The following SLC24A2 variants were observed in gnomAD, a reference collection of about 807,000 sequenced individuals.
The protein encoded by SLC24A2 is solute carrier family 24 member 2.
In SLC24A2, 36 loss-of-function variants were observed where a neutral mutation model predicts 62.0. The ratio of observed to expected loss-of-function variants is 0.58; its 90% CI spans 0.44 to 0.77. The LOEUF is 0.77. SLC24A2 is among the 30% of genes least tolerant of loss of function. SLC24A2 has a pLI of 0.00. For synonymous variants in SLC24A2, 358 were observed against 294.0 expected (o/e 1.22, Z -2.23); for missense variants, 846 against 817.9 (o/e 1.03, Z -0.42).
intron 5 of SLC24A2, among the ~76,000 whole-genome samples, chr9:19,588,062 C>T (rs1836428159): frequency 6.6e-6 from 1 of 152,156 alleles, no homozygotes; most frequent in African/African-American, 2.4e-5. Flanking sequence ...TGGTTATGCA[C>T]ACAGACTAGC....
chr9:19,946,829 T>C, the SLC24A2 span, among the ~76,000 whole-genome samples: 1 of 152,232 alleles, frequency 6.6e-6, no homozygotes, highest in Non-Finnish European at 1.5e-5. Context: ...TTCTGCCCAG[T>C]TAATCACATC....
At chr9:20,034,890 A>C in the SLC24A2 span, among the ~76,000 whole-genome samples, 1 of 152,216 alleles carries the variant, frequency 6.6e-6, no homozygotes, top group Non-Finnish European at 1.5e-5. Context: ...TATATTACAA[A>C]ATTACATTGG....
At chr9:19,909,767 C>T in the SLC24A2 span, among the ~76,000 whole-genome samples, 1 of 152,072 alleles carries the variant, frequency 6.6e-6, no homozygotes, top group African/African-American at 2.4e-5. Context: ...AAAACCCTTC[C>T]TGCATCTGTT....
the SLC24A2 span, among the ~76,000 whole-genome samples, chr9:19,955,891 A>G: frequency 6.6e-6 from 1 of 152,236 alleles, no homozygotes; most frequent in East Asian, 1.9e-4. Flanking sequence ...CCAGTACACT[A>G]AATTTTCTCC....
At chr9:19,957,198 C>A in the SLC24A2 span, among the ~76,000 whole-genome samples, 3 of 152,130 alleles carry the variant, frequency 2.0e-5, no homozygotes, top group Non-Finnish European at 2.9e-5. Flanking sequence ...TTCTTCCATA[C>A]AATAAAGACA....
chr9:19,918,140 A>ATGTGTGTG, the SLC24A2 span, among the ~76,000 whole-genome samples: 975 of 148,036 alleles, frequency 6.6e-3, 5 homozygotes, highest in Middle Eastern at 0.01. Context: ...AACTGACATT[A>ATGTGTGTG]TGTGTGTGTG....
chr9:19,972,737 T>G, the SLC24A2 span, among the ~76,000 whole-genome samples: 1 of 152,218 alleles, frequency 6.6e-6, no homozygotes, highest in Non-Finnish European at 1.5e-5. Context: ...ACAAAAGTAT[T>G]TTTCCTCAAA....
At chr9:19,722,335 T>C (rs371726370) in intron 2 of SLC24A2, among the ~76,000 whole-genome samples, 13 of 152,280 alleles carry the variant, frequency 8.5e-5, no homozygotes, top group Admixed American at 2.0e-4. Context: ...TAGCTGTTAA[T>C]TGAGCTGAAC....
chr9:19,734,515 T>C (rs71320871), intron 2 of SLC24A2, among the ~76,000 whole-genome samples: 4 of 152,226 alleles, frequency 2.6e-5, no homozygotes, highest in African/African-American at 7.2e-5. Context: ...TTCCTATCCA[T>C]GAGCATGGAA....
At chr9:20,142,959 C>G in the SLC24A2 span, among the ~76,000 whole-genome samples, 1 of 152,114 alleles carries the variant, frequency 6.6e-6, no homozygotes, top group Non-Finnish European at 1.5e-5. Flanking sequence ...GGGCCATGCT[C>G]GCTCCATTCA....
the SLC24A2 span, among the ~76,000 whole-genome samples, chr9:20,111,745 T>C: frequency 6.6e-6 from 1 of 152,128 alleles, no homozygotes; most frequent in Non-Finnish European, 1.5e-5. Context: ...TAATAAAATC[T>C]AGCATCAGAA....
intron 2 of SLC24A2, among the ~76,000 whole-genome samples, chr9:19,688,390 T>C (rs16937730): frequency 0.3 from 46,298 of 151,948 alleles, 7,351 homozygotes; most frequent in Middle Eastern, 0.43. Context: ...ATGGTGCCGA[T>C]AGAAAGCTGG....
intron 8 of SLC24A2, among the ~76,000 whole-genome samples, chr9:19,530,353 G>A (rs1321500528): frequency 6.6e-6 from 1 of 152,134 alleles, no homozygotes; most frequent in African/African-American, 2.4e-5. Flanking sequence ...TCTGGGCAAT[G>A]TATGAGGACA....
At chr9:19,821,668 G>C in the SLC24A2 span, among the ~76,000 whole-genome samples, 1 of 151,980 alleles carries the variant, frequency 6.6e-6, no homozygotes, top group Non-Finnish European at 1.5e-5. Context: ...ATTTTTAAAT[G>C]CCATCCTCAT....
chr9:20,214,198 G>A, the SLC24A2 span, among the ~76,000 whole-genome samples: 1 of 152,180 alleles, frequency 6.6e-6, no homozygotes, highest in Admixed American at 6.5e-5. Context: ...GTGGCATCGT[G>A]AGGCGATAGG....
chr9:19,960,589 C>A, the SLC24A2 span, among the ~76,000 whole-genome samples: 8 of 152,108 alleles, frequency 5.3e-5, no homozygotes, highest in Non-Finnish European at 1.2e-4. Flanking sequence ...TAATACATAC[C>A]TCAAAGGGAT....
chr9:20,068,644 T>C, the SLC24A2 span, among the ~76,000 whole-genome samples: 9 of 152,164 alleles, frequency 5.9e-5, no homozygotes, highest in Non-Finnish European at 1.2e-4. Flanking sequence ...GATTCAGTGG[T>C]ATTCCCTGGG....
chr9:19,966,515 A>G, the SLC24A2 span, among the ~76,000 whole-genome samples: 24 of 152,336 alleles, frequency 1.6e-4, no homozygotes, highest in African/African-American at 5.5e-4. Flanking sequence ...GGAGAAATTC[A>G]AATCTTAAAC....
intron 2 of SLC24A2, among the ~76,000 whole-genome samples, chr9:19,781,400 T>C (rs901714067): frequency 6.6e-6 from 1 of 151,190 alleles, no homozygotes; most frequent in Non-Finnish European, 1.5e-5. Context: ...GGAGAGATAA[T>C]GGTGACTCCA....
Sources: gnomAD v4.1 joint callset for allele counts (sites outside exome capture counted in the v4.1 genomes callset) on GRCh38, gnomAD v4.1.1 for gene constraint, MANE v1.5 for transcripts, NCBI Gene and HGNC (gene_info 2026-07-23, HGNC 2026-07-21) for gene names.